Variants in SUCNR1 observed in about 807,000 individuals in gnomAD.
SUCNR1 encodes the protein succinate receptor 1, also known as G-protein coupled receptor 91.
In SUCNR1, 5 loss-of-function variants were observed where a neutral mutation model predicts 2.4. The ratio of observed to expected loss-of-function variants is 2.07; its 90% confidence interval spans 1.08 to 4.36. SUCNR1 has a LOEUF of 4.36. Among genes scored for constraint, SUCNR1 ranks in the 30% most tolerant of loss-of-function variants. The pLI, the probability that SUCNR1 is intolerant of heterozygous loss-of-function variation, is 0.00. For synonymous variants in SUCNR1, 162 were observed against 143.9 expected (o/e 1.13, Z -0.90); for missense variants, 373 against 399.2 (o/e 0.93, Z 0.56).
chr3:151,874,136 ATATATATATATTT>A (rs1559855907), intron 1 of SUCNR1, among the ~76,000 whole-genome samples: 3 of 58,664 alleles, frequency 5.1e-5, no homozygotes, highest in African/African-American at 2.0e-4. Flanking sequence ...ATATATATAT[ATATATATATATTT>A]TTTTTTTTTT....
chr3:151,879,187 C>T (rs971286416), intron 1 of SUCNR1, among the ~76,000 whole-genome samples: 2 of 152,286 alleles, frequency 1.3e-5, no homozygotes, highest in Admixed American at 1.3e-4. Context: ...CACAATCTGG[C>T]CTCTTGACAA....
In SUCNR1 at chr3:151,881,168, A is replaced by G. The variant is rs1364305781; in HGVS notation, c.625A>G (p.Lys209Glu). 6.2e-7 allele frequency: 1 copy of G among 1,614,174 alleles called. No individual in the cohort carries two copies. The highest frequency in any genetic ancestry group is 8.5e-7 in the Non-Finnish European group (1 of 1,180,034). ...TTTTGTGATGTGTTTCTTTTATTACAAGATTGCTCTCTTCCTAAAGCAGAG... is the reference window on the plus strand; with the variant it reads ...TTTTGTGATGTGTTTCTTTTATTACGAGATTGCTCTCTTCCTAAAGCAGAG... ...PLFVMCFFYY[K>E]IALFLKQRNR... The change falls in exon 3 of 3, where the codon AAG becomes GAG. Residue 209 changes from lysine to glutamate, a missense_variant. Around this residue, in one of 3 missense-constraint regions of SUCNR1, gnomAD observed 157 missense variants for 178.7 expected, o/e 0.88. Coordinates refer to ENST00000362032, the MANE Select transcript of SUCNR1 (RefSeq NM_033050.6).
In SUCNR1 at chr3:151,880,888, T is replaced by A; in HGVS notation, c.345T>A (p.Phe115Leu). 1.9e-6 allele frequency: 3 copies of A among 1,614,154 alleles called. No individual in the cohort carries two copies. The highest frequency in any genetic ancestry group is 2.5e-6 in the Non-Finnish European group (3 of 1,180,022). Residue 115 changes from phenylalanine to leucine, a missense_variant, in exon 3 of 3, where the codon TTT (phenylalanine) becomes TTA (leucine). Around this residue, in one of 3 missense-constraint regions of SUCNR1, gnomAD observed 184 missense variants for 162.2 expected, o/e 1.13. Transcript: ENST00000362032. ...ATACCAGCATTCTCTTTCTCACTTT[T>A]ATCAGCATAGATCGATACTTGATAA... ...NLYTSILFLT[F>L]ISIDRYLIIK... is the part of the protein sequence containing the mutation.
At chr3:151,874,466 C>T (rs1239483649) in intron 1 of SUCNR1, among the ~76,000 whole-genome samples, 1 of 151,960 alleles carries the variant, frequency 6.6e-6, no homozygotes, top group Non-Finnish European at 1.5e-5. Context: ...GCATGAGCCA[C>T]TGTGCTGGGG....
Position 151,882,916 on chromosome 3 carries a change from A to G in SUCNR1, c.*1368A>G, listed in dbSNP as rs1025703601. On this transcript the variant is annotated 3_prime_UTR_variant, in exon 3 of 3. Coordinates refer to ENST00000362032, the MANE Select transcript of SUCNR1 (RefSeq NM_033050.6). ...TATCTAAGTTCCTTTCCTTGATGTC[A>G]TTAGCTATAAGGAGTGAGTAATGTG... is the stretch of plus-strand genomic sequence containing the variant. The G allele has an allele frequency of 3.9e-5, 6 of 152,074 alleles. No homozygotes were observed. The highest frequency in any genetic ancestry group is 8.8e-5 in the Non-Finnish European group (6 of 67,952). The allele number at this position is 152,074 out of a possible 1,614,324, so 9.4% of individuals were successfully genotyped here. A position where few individuals can be genotyped will look rare whatever the true frequency, so the allele number is the denominator to read the frequency against.
Position 151,880,859 on chromosome 3 carries a change from C to A in SUCNR1, c.316C>A (p.Leu106Ile). 1.9e-6 allele frequency: 3 copies of A among 1,614,118 alleles called. No individual in the cohort carries two copies. Among genetic ancestry groups the A allele is most frequent in the Non-Finnish European group, 2.5e-6 (3 of 1,180,006 alleles). The change falls in exon 3 of 3, where the codon CTC (leucine) becomes ATC (isoleucine). Residue 106 changes from leucine (L) to isoleucine (I), a missense_variant. Transcript: ENST00000362032. ...ISNRYVLHAN[L>I]YTSILFLTFI... ...CAACCGATATGTGCTTCATGCCAAC[C>A]TCTATACCAGCATTCTCTTTCTCAC...
intron 1 of SUCNR1, among the ~76,000 whole-genome samples, chr3:151,878,523 TAA>T (rs570749417): frequency 1.3e-5 from 2 of 151,952 alleles, no homozygotes; most frequent in Non-Finnish European, 2.9e-5. Flanking sequence ...TTTTAAGAGA[TAA>T]AAAAATATGA....
chr3:151,875,682 TACACCTTA>T (rs1717904187), intron 1 of SUCNR1, among the ~76,000 whole-genome samples: 1 of 152,160 alleles, frequency 6.6e-6, no homozygotes, highest in South Asian at 2.1e-4. Flanking sequence ...TTATGAGTGT[TACACCTTA>T]ACAATAATTT....
Position 151,880,872 on chromosome 3 carries a change from T to C in SUCNR1, c.329T>C (p.Ile110Thr), listed in dbSNP as rs758515464. ...CTTCATGCCAACCTCTATACCAGCATTCTCTTTCTCACTTTTATCAGCATA... is the reference window on the plus strand; with the variant it reads ...CTTCATGCCAACCTCTATACCAGCACTCTCTTTCTCACTTTTATCAGCATA... ...YVLHANLYTS[I>T]LFLTFISIDR... is the part of the protein sequence containing the mutation. The change falls in exon 3 of 3, where the codon ATT (isoleucine) becomes ACT (threonine). Residue 110 changes from isoleucine (I) to threonine (T), a missense_variant. Around this residue, in one of 3 missense-constraint regions of SUCNR1, gnomAD observed 184 missense variants for 162.2 expected, o/e 1.13. Coordinates refer to ENST00000362032, the MANE Select transcript of SUCNR1 (RefSeq NM_033050.6). The C allele has an allele frequency of 1.9e-6, 3 of 1,614,124 alleles. No individual in the cohort carries two copies. The highest frequency in any genetic ancestry group is 2.7e-5 in the African/African-American group (2 of 75,058).
Position 151,881,488 on chromosome 3 carries a change from A to G in SUCNR1, c.945A>G (p.Lys315=). The G allele has an allele frequency of 6.2e-7, 1 of 1,613,512 alleles. No homozygotes were observed. Among genetic ancestry groups the G allele is most frequent in the Middle Eastern group, 1.7e-4 (1 of 6,056 alleles). The stretch of plus-strand genomic sequence containing the variant: ...TGAATCAACTGAGACACAACTTCAA[A>G]TCCCTTACATCCTTTAGCAGATGGG... ...MLMNQLRHNF[K]SLTSFSRWAH... Residue 315 remains lysine (K), a synonymous_variant, in exon 3 of 3, where the codon AAA becomes AAG. Transcript: ENST00000362032.
At position 151,881,164 on chromosome 3, in the gene SUCNR1, T is replaced by C; in HGVS notation, c.621T>C (p.Tyr207=). Residue 207 remains tyrosine, a synonymous_variant, in exon 3 of 3, where the codon TAT becomes TAC. Transcript: ENST00000362032. The part of the protein sequence containing the change: ...LIPLFVMCFF[Y]YKIALFLKQR... ...CTCTTTTTGTGATGTGTTTCTTTTA[T>C]TACAAGATTGCTCTCTTCCTAAAGC... The C allele has an allele frequency of 2.5e-6, 4 of 1,614,212 alleles. No individual in the cohort carries two copies. The highest frequency in any genetic ancestry group is 2.5e-6 in the Non-Finnish European group (3 of 1,180,040).
intron 1 of SUCNR1, among the ~76,000 whole-genome samples, chr3:151,878,241 G>A (rs1254637579): frequency 4.6e-5 from 7 of 152,068 alleles, no homozygotes; most frequent in African/African-American, 1.4e-4. Flanking sequence ...AGAGGAACAC[G>A]TGAAACTAGG....
chr3:151,879,889 C>T lies in SUCNR1; in HGVS notation c.-4C>T, dbSNP rs756895642. On this transcript the variant is annotated 5_prime_UTR_variant, in exon 2 of 3. In the 5' UTR this introduces an upstream ATG that the reference lacks. Coordinates refer to ENST00000362032, the MANE Select transcript of SUCNR1 (RefSeq NM_033050.6). ...CTCAGCAGAATTTGTTGAACAACTA[C>T]GACATGCTGGGGATCATGGTATGTT... 24 of 1,579,948 alleles carry T rather than the reference C, an allele frequency of 1.5e-5. No homozygotes were observed. The highest frequency in any genetic ancestry group is 4.6e-5 in the East Asian group (2 of 43,386).
chr3:151,883,248 A>C lies in SUCNR1; in HGVS notation c.*1700A>C, dbSNP rs1423112644. ...GAAAACAGAACTTCTGAGTTTCCTT[A>C]TCAGAAAGGGCCACAGAAAAGGCCT... On this transcript the variant is annotated 3_prime_UTR_variant, in exon 3 of 3. Coordinates refer to ENST00000362032, the MANE Select transcript of SUCNR1 (RefSeq NM_033050.6). 6.6e-6 allele frequency: 1 copy of C among 151,880 alleles called. No individual in the cohort carries two copies. The highest frequency in any genetic ancestry group is 1.5e-5 in the Non-Finnish European group (1 of 67,880). The allele number at this position is 151,880 out of a possible 1,614,324, so 9.4% of individuals were successfully genotyped here.
At chr3:151,874,759 A>G (rs907299578) in intron 1 of SUCNR1, among the ~76,000 whole-genome samples, 2 of 152,106 alleles carry the variant, frequency 1.3e-5, no homozygotes, top group African/African-American at 2.4e-5. Context: ...AAAGTTACAA[A>G]TGTTAAATTA....
rs1718150304 is a variant in SUCNR1, at chr3:151,883,147, T to G, written c.*1599T>G. ...TACATCACACCAGGCTTTAAGATAT[T>G]TTCTGCCATGCCTTGCCTTTAGTAT... On this transcript the variant is annotated 3_prime_UTR_variant, in exon 3 of 3. Coordinates refer to ENST00000362032, the MANE Select transcript of SUCNR1 (RefSeq NM_033050.6). 1 of 151,996 alleles carries G rather than the reference T, an allele frequency of 6.6e-6. No individual in the cohort carries two copies. Among genetic ancestry groups the G allele is most frequent in the African/African-American group, 2.4e-5 (1 of 41,416 alleles). The allele number at this position is 151,996 out of a possible 1,614,324, so 9.4% of individuals were successfully genotyped here. A position where few individuals can be genotyped will look rare whatever the true frequency, so the allele number is the denominator to read the frequency against.
intron 1 of SUCNR1, among the ~76,000 whole-genome samples, chr3:151,875,525 T>C (rs956577683): frequency 2.6e-5 from 4 of 152,034 alleles, no homozygotes; most frequent in African/African-American, 9.7e-5. Flanking sequence ...ATGAAACAAA[T>C]GTATCAAAAA....
Position 151,881,637 on chromosome 3 carries a change from C to A in SUCNR1, c.*89C>A. ...CATAGACATCAATCAGAGAGTGTCA[C>A]AGATTTAACCTTGATCTAAAGACAA... On this transcript the variant is annotated 3_prime_UTR_variant, in exon 3 of 3. Transcript: ENST00000362032. 3 of 1,201,706 alleles carry A rather than the reference C, an allele frequency of 2.5e-6. No individual in the cohort carries two copies. The highest frequency in any genetic ancestry group is 3.5e-6 in the Non-Finnish European group (3 of 862,630). The allele number at this position is 1,201,706 out of a possible 1,614,324, so 74.4% of individuals were successfully genotyped here.
chr3:151,880,669 C>T lies in SUCNR1; in HGVS notation c.126C>T (p.Thr42=). 1 of 1,614,048 alleles carries T rather than the reference C, an allele frequency of 6.2e-7. No individual in the cohort carries two copies. Among genetic ancestry groups the T allele is most frequent in the Non-Finnish European group, 8.5e-7 (1 of 1,179,958 alleles). Residue 42 remains threonine (T), a synonymous_variant, in exon 3 of 3, where the codon ACC becomes ACT. Transcript: ENST00000362032. ...TCGTTGTGGGAGTCCTTGGAAATAC[C>T]ATTGTTGTTTACGGCTACATCTTCT... ...IEFVVGVLGN[T]IVVYGYIFSL...
Sources: allele counts gnomAD v4.1 joint callset (sites outside exome capture counted in the v4.1 genomes callset), GRCh38; gene constraint gnomAD v4.1.1; regional missense constraint gnomAD v4.1.1; transcripts MANE v1.5; gene names NCBI Gene and HGNC (gene_info 2026-07-23, HGNC 2026-07-21).